Variants in RNF150 observed in about 807,000 individuals in gnomAD.
RNF150 encodes the protein ring finger protein 150.
In RNF150, 24 loss-of-function variants were observed where a neutral mutation model predicts 39.3. That is an observed-to-expected ratio of 0.61 (90% CI 0.44 to 0.86). The LOEUF (loss-of-function observed/expected upper bound fraction) is 0.86. Ranked by LOEUF, RNF150 falls within the 40% of genes least tolerant of loss-of-function variation. The pLI, the probability that RNF150 is intolerant of heterozygous loss-of-function variation, is 0.00. For missense variants in RNF150, 502 were observed against 587.8 expected (o/e 0.85, Z 1.51); for synonymous variants, 255 against 227.3 (o/e 1.12, Z -1.10).
intron 1 of RNF150, among the ~76,000 whole-genome samples, chr4:141,159,874 A>G (rs1578773038): frequency 6.6e-6 from 1 of 151,718 alleles, no homozygotes; most frequent in South Asian, 2.1e-4. Context: ...TGTTCAAGTA[A>G]TATTTCAGCC....
chr4:140,872,322 C>A (rs1032342463), intron 6 of RNF150, among the ~76,000 whole-genome samples: 3 of 152,190 alleles, frequency 2.0e-5, no homozygotes, highest in African/African-American at 7.2e-5. Context: ...TCATTTGATA[C>A]AACCACTCTT....
chr4:141,201,019 C>T (rs567114251), intron 1 of RNF150, among the ~76,000 whole-genome samples: 21 of 152,010 alleles, frequency 1.4e-4, no homozygotes, highest in South Asian at 2.1e-4. Context: ...CACTTGCCCA[C>T]AGAAACCAGA....
intron 6 of RNF150, among the ~76,000 whole-genome samples, chr4:140,877,906 T>C (rs1729219494): frequency 6.6e-6 from 1 of 152,116 alleles, no homozygotes; most frequent in Admixed American, 6.5e-5. Flanking sequence ...AGGGCCAGCA[T>C]GACTATAGCA....
intron 6 of RNF150, among the ~76,000 whole-genome samples, chr4:140,886,503 A>G (rs1447422226): frequency 1.3e-5 from 2 of 152,218 alleles, no homozygotes; most frequent in Non-Finnish European, 2.9e-5. Context: ...TTCTGAATGC[A>G]AATTCTTTAT....
chr4:140,996,412 C>T (rs544000178), intron 1 of RNF150, among the ~76,000 whole-genome samples: 34 of 152,190 alleles, frequency 2.2e-4, no homozygotes, highest in Admixed American at 2.0e-3. Flanking sequence ...GTCAGCACTA[C>T]TAAATGTTAA....
intron 1 of RNF150, among the ~76,000 whole-genome samples, chr4:141,206,086 T>A (rs1241636176): frequency 1.3e-5 from 2 of 152,156 alleles, no homozygotes; most frequent in Admixed American, 6.5e-5. Context: ...CTCTTTGCAC[T>A]GGCAGTTCCT....
Position 141,082,876 on chromosome 4 carries a change from T to C in RNF150, c.484+49449A>G, listed in dbSNP as rs943474632. ...GGAAATTATTTTTTACATAGTATGT[T>C]AGCTACACTTATAAGTATCATGCCC... On this transcript the variant is annotated intron_variant, in intron 1 of 6. Coordinates refer to ENST00000515673, the MANE Select transcript of RNF150 (RefSeq NM_020724.2). Among the ~76,000 whole-genome samples, 6 of 152,250 alleles carry C rather than the reference T, an allele frequency of 3.9e-5. No homozygotes were observed. The East Asian group carries it at 9.6e-4, about 24-fold the overall frequency.
chr4:141,117,231 A>G (rs1739578910), intron 1 of RNF150, among the ~76,000 whole-genome samples: 2 of 152,356 alleles, frequency 1.3e-5, no homozygotes, highest in South Asian at 4.1e-4. Flanking sequence ...ATAATAATTT[A>G]TAACTTACAC....
chr4:141,171,673 A>T (rs1727727470), intron 1 of RNF150, among the ~76,000 whole-genome samples: 1 of 152,246 alleles, frequency 6.6e-6, no homozygotes, highest in Non-Finnish European at 1.5e-5. Flanking sequence ...ATGTATCCAT[A>T]GCCCAAATTA....
At chr4:140,936,820 A>G (rs1256806345) in intron 4 of RNF150, among the ~76,000 whole-genome samples, 1 of 152,156 alleles carries the variant, frequency 6.6e-6, no homozygotes, top group African/African-American at 2.4e-5. Flanking sequence ...ATTTATATTA[A>G]ATATGATATG....
At chr4:140,964,458 T>C (rs1733156223) in intron 2 of RNF150, among the ~76,000 whole-genome samples, 1 of 152,110 alleles carries the variant, frequency 6.6e-6, no homozygotes, top group Non-Finnish European at 1.5e-5. Context: ...GTTATAACAA[T>C]GAGGCTGTTA....
chr4:140,945,270 T>C (rs918596771), intron 4 of RNF150, among the ~76,000 whole-genome samples: 3 of 152,066 alleles, frequency 2.0e-5, no homozygotes, highest in Admixed American at 2.0e-4. Flanking sequence ...TAAGGTTTTA[T>C]TTTCTGTGGT....
chr4:140,868,327 T>A lies in RNF150; in HGVS notation c.1251A>T (p.Ala417=). The A allele has an allele frequency of 6.2e-7, 1 of 1,613,728 alleles. No individual in the cohort carries two copies. The highest frequency in any genetic ancestry group is 8.5e-7 in the Non-Finnish European group (1 of 1,179,648). Residue 417 remains alanine, a synonymous_variant, in exon 7 of 7, where the codon GCA becomes GCT. Coordinates refer to ENST00000515673, the MANE Select transcript of RNF150 (RefSeq NM_020724.2). ...SSDSDISLIM[A]MEVGLSDVEL... is the part of the protein sequence containing the mutation. ...CTACATCAGACAGTCCAACCTCCAT[T>A]GCCATGATCAAGGAAATGTCAGAAT...
rs998868975 is a variant in RNF150 at position 140,861,003 on chromosome 4, A to T, written c.*7258T>A. ...CTTTTCACAAATACAAAATTATTTC[A>T]TTTTCTAAATGTAAGGGACACCCCT... On this transcript the variant is annotated 3_prime_UTR_variant, in exon 7 of 7. Coordinates refer to ENST00000515673, the MANE Select transcript of RNF150 (RefSeq NM_020724.2). The T allele has an allele frequency of 1.3e-5, 2 of 151,936 alleles. No individual in the cohort carries two copies. The highest frequency in any genetic ancestry group is 2.9e-5 in the Non-Finnish European group (2 of 67,974). 9.4% of individuals were successfully genotyped at this position (151,936 alleles called of 1,614,324 possible).
intron 2 of RNF150, among the ~76,000 whole-genome samples, chr4:140,962,081 A>ACT (rs1156404272): frequency 8.1e-5 from 9 of 110,920 alleles, no homozygotes; most frequent in African/African-American, 1.9e-4. Flanking sequence ...CTCTCTCTCT[A>ACT]CTCTCTCTCT....
intron 1 of RNF150, among the ~76,000 whole-genome samples, chr4:141,182,108 A>G (rs948904092): frequency 1.3e-5 from 2 of 151,366 alleles, no homozygotes; most frequent in African/African-American, 2.4e-5. Context: ...ATGCAGAAAA[A>G]GCCTTTGACA....
chr4:140,935,600 A>C (rs1021316211), intron 4 of RNF150, among the ~76,000 whole-genome samples: 3 of 152,166 alleles, frequency 2.0e-5, no homozygotes, highest in African/African-American at 7.2e-5. Flanking sequence ...TTATTCCCTT[A>C]AGTGATATAT....
chr4:141,043,632 C>A (rs191776181), intron 1 of RNF150, among the ~76,000 whole-genome samples: 4 of 152,126 alleles, frequency 2.6e-5, no homozygotes, highest in Non-Finnish European at 5.9e-5. Flanking sequence ...GTTTTGTTAA[C>A]CAGGCTAGCC....
intron 1 of RNF150, among the ~76,000 whole-genome samples, chr4:141,123,967 T>G (rs544579353): frequency 6.6e-6 from 1 of 152,256 alleles, no homozygotes; most frequent in East Asian, 1.9e-4. Context: ...GATATTTGGG[T>G]TGGTTCCAAG....
Sources: gnomAD v4.1 joint callset for allele counts (sites outside exome capture counted in the v4.1 genomes callset) on GRCh38, gnomAD v4.1.1 for gene constraint, MANE v1.5 for transcripts, NCBI Gene and HGNC (gene_info 2026-07-23, HGNC 2026-07-21) for gene names.